Variants in TTN observed in about 807,000 individuals in gnomAD.
TTN encodes connectin.
A neutral mutation model predicts 3,223.0 loss-of-function variants in TTN; 1,525 were observed. The ratio of observed to expected loss-of-function variants is 0.47; its 90% CI spans 0.45 to 0.49. TTN has a LOEUF of 0.49. Among genes scored for constraint, TTN ranks in the 20% least tolerant of loss-of-function variants. The probability of loss-of-function intolerance (pLI) is 0.00; values close to 1 mark genes in which losing one functional copy is unlikely to be tolerated. For missense variants in TTN, 40,786 were observed against 43,424.0 expected (o/e 0.94, Z 5.40); for synonymous variants, 14,094 against 15,161.0 (o/e 0.93, Z 5.17).
chr2:178,563,395 C>T lies in TTN; in HGVS notation c.82737G>A (p.Val27579=). The change falls in exon 326 of 363, where the codon GTG becomes GTA. Residue 27579 remains valine, a synonymous_variant. Transcript: ENST00000589042. The surrounding 1 kb of genome is among the most constrained non-coding windows in gnomAD (Gnocchi z 4.5). ...YPPGPPSNPK[V]TDTSRSSVSL... ...AGACAGAAGATCTGGAAGTGTCCGT[C>T]ACTTTTGGATTGCTTGGGGGACCTG... 1 of 1,613,564 alleles carries T rather than the reference C, an allele frequency of 6.2e-7. No homozygotes were observed. The highest frequency in any genetic ancestry group is 8.5e-7 in the Non-Finnish European group (1 of 1,179,716).
intron 14 of TTN, 29 bp from the exon 15 acceptor site, chr2:178,785,771 A>G (rs1486962811): frequency 6.8e-6 from 11 of 1,614,174 alleles, no homozygotes; most frequent in Non-Finnish European, 9.3e-6. Flanking sequence ...CAGTGATACC[A>G]TTGATCACCA....
In TTN at chr2:178,740,312, A is replaced by G. The variant is rs1490439391; in HGVS notation, c.12921T>C (p.Ser4307=). ...CTEGGKILIE[S]ANPLENAGQD... ...GCCCTGCATTTTCCAGTGGATTTGCACTTTCTATCAAAATTTTACCTCCTT... is the reference window on the plus strand; with the variant it reads ...GCCCTGCATTTTCCAGTGGATTTGCGCTTTCTATCAAAATTTTACCTCCTT... Residue 4307 remains serine (S), a synonymous_variant, in exon 48 of 363, where the codon AGT becomes AGC. Coordinates refer to ENST00000589042, the MANE Select transcript of TTN (RefSeq NM_001267550.2). 1 of 1,613,688 alleles carries G rather than the reference A, an allele frequency of 6.2e-7. No individual in the cohort carries two copies. The highest frequency in any genetic ancestry group is 1.3e-5 in the African/African-American group (1 of 75,012).
In TTN at chr2:178,562,601, T is replaced by C. The variant is rs754569815; in HGVS notation, c.83531A>G (p.Asn27844Ser). ...CSYYFRVLAS[N>S]EYGIGLPAET... ...AGCTGGCAAACCAATCCCATATTCATTGGAAGCCAAGACTCGGAAGTAGTA... is the reference window on the plus strand; with the variant it reads ...AGCTGGCAAACCAATCCCATATTCACTGGAAGCCAAGACTCGGAAGTAGTA... Residue 27844 changes from asparagine (N) to serine (S), a missense_variant, in exon 326 of 363, where the codon AAT becomes AGT. Asn to Ser is a conservative substitution (Grantham distance 46). Coordinates refer to ENST00000589042, the MANE Select transcript of TTN (RefSeq NM_001267550.2). 7 of 1,610,792 alleles carry C rather than the reference T, an allele frequency of 4.3e-6. No individual in the cohort carries two copies. The highest frequency in any genetic ancestry group is 5.9e-6 in the Non-Finnish European group (7 of 1,178,824).
Position 178,594,226 on chromosome 2 carries a change from G to C in TTN, c.58167C>G (p.His19389Gln), listed in dbSNP as rs369669224. The change falls in exon 297 of 363, where the codon CAC (histidine) becomes CAG (glutamine). Residue 19389 changes from histidine (H) to glutamine (Q), a missense_variant. By Grantham distance (24) the His-to-Gln change is conservative. Coordinates refer to ENST00000589042, the MANE Select transcript of TTN (RefSeq NM_001267550.2). ...TCGTGAGCTTATCTCTGAAGTCGAG[G>C]TGAAGCGTTGGGGGTGCTAAAATTT... The part of the protein sequence containing the change: ...CKDELAPPTL[H>Q]LDFRDKLTIR... 2.5e-5 allele frequency: 41 copies of C among 1,613,024 alleles called. No individual in the cohort carries two copies. Among genetic ancestry groups the C allele is most frequent in the Non-Finnish European group, 3.4e-5 (40 of 1,179,584 alleles).
Position 178,785,948 on chromosome 2 carries a change from G to T in TTN, c.2270C>A (p.Pro757His), listed in dbSNP as rs116307796. ...CTTGACTGCTTTAGGGACAACGTGG[G>T]GTTCTGAGGCTGGACGTTGGGGAGG... ...AEPPQRPASE[P>H]HVVPKAVKPR... Residue 757 changes from proline (P) to histidine (H), a missense_variant, in exon 14 of 363, where the codon CCC (proline) becomes CAC (histidine). Physicochemically the swap from Pro to His is moderately conservative, Grantham distance 77. Coordinates refer to ENST00000589042, the MANE Select transcript of TTN (RefSeq NM_001267550.2). 2.5e-6 allele frequency: 4 copies of T among 1,614,024 alleles called. No individual in the cohort carries two copies. Among genetic ancestry groups the T allele is most frequent in the Non-Finnish European group, 3.4e-6 (4 of 1,180,014 alleles).
Position 178,609,683 on chromosome 2 carries a change from C to G in TTN, c.51739+1G>C, listed in dbSNP as rs727504799. 6.4e-7 allele frequency: 1 copy of G among 1,573,978 alleles called. No homozygotes were observed. The highest frequency in any genetic ancestry group is 8.6e-7 in the Non-Finnish European group (1 of 1,159,754). ...TGGCAACTCCATGAAACAAAACTTACCAATGGGATCTACAGCTTTGGTTGG... is the reference window on the plus strand; with the variant it reads ...TGGCAACTCCATGAAACAAAACTTAGCAATGGGATCTACAGCTTTGGTTGG... On this transcript the variant is annotated splice_donor_variant, in intron 272 of 362. Transcript: ENST00000589042. LOFTEE classifies it high-confidence loss of function.
intron 241 of TTN, 125 bp downstream of exon 241, chr2:178,625,148 C>A: frequency 7.4e-7 from 1 of 1,344,034 alleles, no homozygotes; most frequent in Non-Finnish European, 1.0e-6. Flanking sequence ...AAAGTAAAAT[C>A]AGACTTTTGA....
At chr2:178,653,205 G>C in intron 198 of TTN, 33 bp downstream of exon 198, 1 of 1,607,316 alleles carries the variant, frequency 6.2e-7, no homozygotes, top group Non-Finnish European at 8.5e-7. Context: ...AAAAGAATTA[G>C]ATCATCTGAA....
chr2:178,651,748 C>G lies in TTN; in HGVS notation c.39381G>C (p.Val13127=). The change falls in exon 206 of 363, where the codon GTG becomes GTC. Residue 13127 remains valine, a splice_region_variant and synonymous_variant. Coordinates refer to ENST00000589042, the MANE Select transcript of TTN (RefSeq NM_001267550.2). Reference sequence around the variant, plus strand: ...GGACAGGTTTCTTAGGTGGTACGGTCACTAAAGAATTAGAAGGTATGTTTT... The same window carrying G: ...GGACAGGTTTCTTAGGTGGTACGGTGACTAAAGAATTAGAAGGTATGTTTT... ...EEPEPAAPPQ[V]TVPPKKPVPE... is the part of the protein sequence containing the mutation. 6.2e-7 allele frequency: 1 copy of G among 1,612,654 alleles called. No homozygotes were observed. The highest frequency in any genetic ancestry group is 8.5e-7 in the Non-Finnish European group (1 of 1,179,428).
chr2:178,664,777 A>G, intron 166 of TTN, 40 bp from the exon 167 acceptor site: 3 of 1,610,554 alleles, frequency 1.9e-6, no homozygotes, highest in Non-Finnish European at 2.5e-6. Flanking sequence ...TGTTATGCAG[A>G]TAACTAGGAA....
intron 146 of TTN, 52 bp downstream of exon 146, chr2:178,677,568 AG>A: frequency 6.6e-7 from 1 of 1,518,304 alleles, no homozygotes; most frequent in East Asian, 2.3e-5. Flanking sequence ...AGGATGGGAA[AG>A]CAGAATTCAA....
In TTN at chr2:178,761,358, A is replaced by T. The variant is rs190924765; in HGVS notation, c.10115-2186T>A. Among the ~76,000 whole-genome samples the T allele has an allele frequency of 5.8e-4, 88 of 152,272 alleles. 1 individual carries two copies. The East Asian group carries it at 0.011, about 19-fold the overall frequency. On this transcript the variant is annotated intron_variant, in intron 43 of 362. Transcript: ENST00000589042. Reference sequence around the variant, plus strand: ...ATCCTGCAGTGTCTCCTAAATGTAAACAAGATCAATTCCAAAATCTTCAGC... The same window carrying T: ...ATCCTGCAGTGTCTCCTAAATGTAATCAAGATCAATTCCAAAATCTTCAGC...
rs374233884 is a variant in TTN at position 178,616,867 on chromosome 2, G to A, written c.48022C>T (p.Arg16008Trp). 44 of 1,612,422 alleles carry A rather than the reference G, an allele frequency of 2.7e-5. No homozygotes were observed. Among genetic ancestry groups the A allele is most frequent in the South Asian group, 2.5e-4 (23 of 91,054 alleles). The part of the protein sequence containing the change: ...FGDKVLETGD[R>W]VKMKTLSAYA... The stretch of plus-strand genomic sequence containing the variant: ...GCAGACAAGGTCTTCATTTTCACCC[G>A]GTCCCCTGTTTCTAGTACTTTATCT... The change falls in exon 256 of 363, where the codon CGG (arginine) becomes TGG (tryptophan). Residue 16008 changes from arginine to tryptophan, a missense_variant. Coordinates refer to ENST00000589042, the MANE Select transcript of TTN (RefSeq NM_001267550.2).
chr2:178,650,173 G>A lies in TTN; in HGVS notation c.39808C>T (p.Pro13270Ser), dbSNP rs377494284. ...VAEEEEPEVP[P>S]PAVPEEPKKI... is the part of the protein sequence containing the mutation. ...GGATTCTGCTTTGTACCTGCTGGAG[G>A]TGGAACCTCTGGTTCCTCCTCTTCT... is the stretch of plus-strand genomic sequence containing the variant. The change falls in exon 210 of 363, where the codon CCT (proline) becomes TCT (serine). Residue 13270 changes from proline (P) to serine (S), a missense_variant. Transcript: ENST00000589042. The A allele has an allele frequency of 6.3e-7, 1 of 1,581,600 alleles. No homozygotes were observed. The highest frequency in any genetic ancestry group is 1.3e-5 in the African/African-American group (1 of 74,106).
chr2:178,653,110 T>G lies in TTN; in HGVS notation c.38806A>C (p.Lys12936Gln). 1 of 1,612,764 alleles carries G rather than the reference T, an allele frequency of 6.2e-7. No homozygotes were observed. Among genetic ancestry groups the G allele is most frequent in the East Asian group, 2.2e-5 (1 of 44,780 alleles). ...ACTTTCTTTTCAGGAACAACTTCTTTGGGAGCCTCTGGCACTTAAAAGATA... is the reference window on the plus strand; with the variant it reads ...ACTTTCTTTTCAGGAACAACTTCTTGGGGAGCCTCTGGCACTTAAAAGATA... ...VPPVKVPEAP[K>Q]EVVPEKKVPV... Residue 12936 changes from lysine (K) to glutamine (Q), a missense_variant, in exon 199 of 363, where the codon AAA (lysine) becomes CAA (glutamine). Transcript: ENST00000589042.
chr2:178,571,648 A>G lies in TTN; in HGVS notation c.74484T>C (p.Leu24828=), dbSNP rs879073611. ...MDEVTADSIT[L]SWGPPKYDGG... is the part of the protein sequence containing the mutation. ...CATCATACTTGGGTGGGCCCCAGGA[A>G]AGAGTAATACTATCAGCTGTCACTT... The change falls in exon 326 of 363, where the codon CTT becomes CTC. Residue 24828 remains leucine, a synonymous_variant. Coordinates refer to ENST00000589042, the MANE Select transcript of TTN (RefSeq NM_001267550.2). 6.2e-7 allele frequency: 1 copy of G among 1,613,418 alleles called. No individual in the cohort carries two copies. The highest frequency in any genetic ancestry group is 1.3e-5 in the African/African-American group (1 of 75,022).
At chr2:178,588,403 G>T in intron 304 of TTN, 135 bp downstream of exon 304, 2 of 1,226,880 alleles carry the variant, frequency 1.6e-6, no homozygotes, top group Admixed American at 2.7e-5. Context: ...TTGGTAAAAG[G>T]TCTATTTGGA....
At chr2:178,678,365 T>C (rs542445245) in intron 144 of TTN, 49 bp downstream of exon 144, 78 of 1,528,066 alleles carry the variant, frequency 5.1e-5, no homozygotes, top group Non-Finnish European at 6.3e-5. Flanking sequence ...TGAGTATACA[T>C]AGATGTGAGT....
intron 321 of TTN, 36 bp downstream of exon 321, chr2:178,578,575 G>A (rs749313456): frequency 6.8e-7 from 1 of 1,473,540 alleles, no homozygotes; most frequent in Non-Finnish European, 9.4e-7. Context: ...GAGGAATCTT[G>A]ATGTAAAAGC....
Sources: allele counts gnomAD v4.1 joint callset (sites outside exome capture counted in the v4.1 genomes callset), GRCh38; gene constraint gnomAD v4.1.1; non-coding constraint Gnocchi (gnomAD v3.1); transcripts MANE v1.5; gene names NCBI Gene and HGNC (gene_info 2026-07-23, HGNC 2026-07-21).